The following MYOCOS variants were observed in gnomAD, a reference collection of about 807,000 sequenced individuals.
MYOCOS encodes the protein myocilin opposite strand protein.
chr1:171,609,278 G>A (rs1002889069), intron 1 of MYOCOS, among the ~76,000 whole-genome samples: 1 of 152,262 alleles, frequency 6.6e-6, no homozygotes, highest in African/African-American at 2.4e-5. Flanking sequence ...TAACCTGGGA[G>A]CCAAATGTAT....
intron 1 of MYOCOS, among the ~76,000 whole-genome samples, chr1:171,603,625 G>A (rs1652186958): frequency 2.0e-5 from 3 of 152,190 alleles, no homozygotes; most frequent in Admixed American, 6.5e-5. Context: ...CTTTTCATGA[G>A]TTAAAAAGAA....
At chr1:171,625,153 G>C (rs764325875) in intron 2 of MYOCOS, among the ~76,000 whole-genome samples, 1 of 152,164 alleles carries the variant, frequency 6.6e-6, no homozygotes, top group Non-Finnish European at 1.5e-5. Flanking sequence ...GTGGTGCACA[G>C]CCAATTTGAT....
chr1:171,616,549 A>G (rs1266745281), intron 2 of MYOCOS, among the ~76,000 whole-genome samples: 3 of 152,130 alleles, frequency 2.0e-5, no homozygotes, highest in Non-Finnish European at 4.4e-5. Context: ...TCAAATAAAT[A>G]AATAACAACA....
At chr1:171,616,116 C>G (rs1353255989) in intron 2 of MYOCOS, among the ~76,000 whole-genome samples, 1 of 152,094 alleles carries the variant, frequency 6.6e-6, no homozygotes, top group East Asian at 1.9e-4. Context: ...ACTTGTGAAG[C>G]TGAAGCAGGA....
intron 2 of MYOCOS, among the ~76,000 whole-genome samples, chr1:171,624,693 C>T (rs1054145725): frequency 6.6e-6 from 1 of 151,970 alleles, no homozygotes; most frequent in African/African-American, 2.4e-5. Context: ...GTGATCTGCC[C>T]GCCTCGGCCT....
At chr1:171,621,237 CAG>C (rs1411135824), upstream of MYOCOS, among the ~76,000 whole-genome samples, 2 of 152,138 alleles carry the variant, frequency 1.3e-5, no homozygotes, top group East Asian at 1.9e-4. Flanking sequence ...AAATATTTTA[CAG>C]AGTTTGACTG....
chr1:171,608,888 C>T (rs887262915), intron 1 of MYOCOS, among the ~76,000 whole-genome samples: 2 of 152,148 alleles, frequency 1.3e-5, no homozygotes, highest in Non-Finnish European at 2.9e-5. Flanking sequence ...GGAAATGAGT[C>T]CCTGAGTCCA....
intron 1 of MYOCOS, among the ~76,000 whole-genome samples, chr1:171,601,352 A>T (rs1652137512): frequency 6.6e-6 from 1 of 152,108 alleles, no homozygotes; most frequent in Non-Finnish European, 1.5e-5. Flanking sequence ...ACTTGGCTTG[A>T]ATTTTTTGGT....
intron 1 of MYOCOS, among the ~76,000 whole-genome samples, chr1:171,601,309 C>T (rs1007154116): frequency 6.6e-6 from 1 of 152,180 alleles, no homozygotes; most frequent in African/African-American, 2.4e-5. Context: ...TTTGACTTGA[C>T]TTGAATTGCT....
intron 1 of MYOCOS, among the ~76,000 whole-genome samples, chr1:171,613,840 GC>G (rs1652399332): frequency 6.6e-6 from 1 of 151,992 alleles, no homozygotes; most frequent in Non-Finnish European, 1.5e-5. Flanking sequence ...TAAATCCTCA[GC>G]CTTATCCTCA....
chr1:171,610,474 C>G (rs1015185389), intron 1 of MYOCOS, among the ~76,000 whole-genome samples: 2 of 152,106 alleles, frequency 1.3e-5, no homozygotes, highest in Non-Finnish European at 2.9e-5. Context: ...ATTTAGAGTT[C>G]CGGAGGCTGG....
chr1:171,607,093 CAAAAAA>C (rs35353881), intron 1 of MYOCOS, among the ~76,000 whole-genome samples: 1 of 66,810 alleles, frequency 1.5e-5, no homozygotes, highest in African/African-American at 5.8e-5. Context: ...GACTCTGTCT[CAAAAAA>C]AAAAAAAAAA....
At chr1:171,620,671 G>C (rs527562960), upstream of MYOCOS, among the ~76,000 whole-genome samples, 1 of 149,968 alleles carries the variant, frequency 6.7e-6, no homozygotes, top group South Asian at 2.1e-4. Context: ...TTGTAAAAAA[G>C]AAAAATTTTA....
upstream of MYOCOS, among the ~76,000 whole-genome samples, chr1:171,619,966 T>C (rs914431479): frequency 6.6e-6 from 1 of 151,022 alleles, no homozygotes. Context: ...CTCCAAGTTC[T>C]TCAGTTTTGG....
In MYOCOS at chr1:171,613,636, C is replaced by T. The variant is rs564994818; in HGVS notation, c.-251-1162C>T. 6.6e-4 allele frequency among the ~76,000 whole-genome samples: 101 copies of T among 152,166 alleles called. 1 individual carries two copies. Among genetic ancestry groups the T allele is most frequent in the Non-Finnish European group, 1.1e-3 (76 of 68,018 alleles). ...GATCATAGCTTGCTGCAACCTTGAA[C>T]TCCTGGGCTCAAGTGATCCTCCCAC... On this transcript the variant is annotated intron_variant, in intron 1 of 3. Transcript: ENST00000636697.
chr1:171,617,637 G>T (rs1652474542), upstream of MYOCOS, among the ~76,000 whole-genome samples: 1 of 152,186 alleles, frequency 6.6e-6, no homozygotes, highest in African/African-American at 2.4e-5. Context: ...ATTTGACAGA[G>T]AATTGAAGGA....
upstream of MYOCOS, among the ~76,000 whole-genome samples, chr1:171,618,005 T>C (rs552486573): frequency 6.6e-6 from 1 of 152,258 alleles, no homozygotes; most frequent in East Asian, 1.9e-4. Context: ...TCTCTTATGA[T>C]TGCTTCCATT....
chr1:171,606,921 A>G (rs1430327081), intron 1 of MYOCOS, among the ~76,000 whole-genome samples: 20 of 151,974 alleles, frequency 1.3e-4, no homozygotes, highest in Admixed American at 1.2e-3. Flanking sequence ...GTGAAACCCC[A>G]TCTCTACTAA....
At chr1:171,626,398 G>C in intron 2 of MYOCOS, 56 bp from the exon 3 acceptor site, 1 of 397,914 alleles carries the variant, frequency 2.5e-6, no homozygotes, top group Non-Finnish European at 4.4e-6. Context: ...CTTTTCCTCT[G>C]TTTATTTAAA....
Sources: allele counts gnomAD v4.1 joint callset (sites outside exome capture counted in the v4.1 genomes callset), GRCh38; gene constraint gnomAD v4.1.1; transcripts MANE v1.5; gene names NCBI Gene and HGNC (gene_info 2026-07-23, HGNC 2026-07-21).